Variants in CADPS2 observed in about 807,000 individuals in gnomAD.
The protein encoded by CADPS2 is calcium dependent secretion activator 2, also known as calcium-dependent secretion activator 2.
A neutral mutation model predicts 172.5 loss-of-function variants in CADPS2; 93 were observed. That is an observed-to-expected ratio of 0.54 (90% confidence interval 0.46 to 0.64). CADPS2 has a LOEUF of 0.64. Ranked by LOEUF, CADPS2 falls within the 30% of genes least tolerant of loss-of-function variation. The pLI is 0.00. For synonymous variants in CADPS2, 546 were observed against 555.2 expected, an observed-to-expected ratio of 0.98 and a Z score of 0.23; for missense variants, 1,420 against 1,565.9, an observed-to-expected ratio of 0.91 and a Z score of 1.57.
intron 20 of CADPS2, among the ~76,000 whole-genome samples, chr7:122,399,847 C>T (rs1446105850): frequency 6.6e-6 from 1 of 150,818 alleles, no homozygotes; most frequent in Non-Finnish European, 1.5e-5. Flanking sequence ...CCACTACGCC[C>T]GGCTAACTTT....
chr7:122,451,925 CAT>C (rs1165218511), intron 14 of CADPS2, among the ~76,000 whole-genome samples: 21 of 152,006 alleles, frequency 1.4e-4, no homozygotes, highest in Non-Finnish European at 2.4e-4. Flanking sequence ...TCATAAGAAA[CAT>C]AGAAATTTTT....
intron 14 of CADPS2, among the ~76,000 whole-genome samples, chr7:122,458,689 A>C (rs2054091843): frequency 6.6e-6 from 1 of 152,154 alleles, no homozygotes; most frequent in Non-Finnish European, 1.5e-5. Flanking sequence ...TAAAGATCTA[A>C]GATCATATTA....
At chr7:122,808,060 A>G (rs1022443982) in intron 1 of CADPS2, among the ~76,000 whole-genome samples, 1 of 152,206 alleles carries the variant, frequency 6.6e-6, no homozygotes, top group African/African-American at 2.4e-5. Flanking sequence ...ACTTGCCACA[A>G]TAACATTCTA....
chr7:122,773,986 T>C (rs959016495), intron 1 of CADPS2, among the ~76,000 whole-genome samples: 4 of 152,002 alleles, frequency 2.6e-5, no homozygotes, highest in African/African-American at 9.7e-5. Context: ...TTATATATTA[T>C]AGGTCAAAGT....
chr7:122,718,784 T>C (rs998938867), intron 2 of CADPS2, among the ~76,000 whole-genome samples: 1 of 152,046 alleles, frequency 6.6e-6, no homozygotes, highest in African/African-American at 2.4e-5. Context: ...AGTTGTGAGC[T>C]CAAGACTCTA....
At chr7:122,844,124 C>A (rs57496424) in intron 1 of CADPS2, among the ~76,000 whole-genome samples, 1 of 152,192 alleles carries the variant, frequency 6.6e-6, no homozygotes, top group Non-Finnish European at 1.5e-5. Flanking sequence ...GCTCCTCACA[C>A]GGCCCCACTA....
At chr7:122,560,340 A>G (rs1453499763) in intron 7 of CADPS2, among the ~76,000 whole-genome samples, 1 of 152,172 alleles carries the variant, frequency 6.6e-6, no homozygotes, top group Non-Finnish European at 1.5e-5. Flanking sequence ...ACTGTAAGAA[A>G]TGTGTTTTGC....
At chr7:122,638,434 T>C (rs1326808976) in intron 3 of CADPS2, among the ~76,000 whole-genome samples, 1 of 152,136 alleles carries the variant, frequency 6.6e-6, no homozygotes, top group East Asian at 1.9e-4. Context: ...AAGTGCTTCC[T>C]GGGGGAACAC....
At chr7:122,669,359 T>A (rs1438047332) in intron 2 of CADPS2, among the ~76,000 whole-genome samples, 9 of 148,694 alleles carry the variant, frequency 6.1e-5, no homozygotes, top group East Asian at 2.0e-4. Flanking sequence ...ATATATATTT[T>A]TTTTTTTTGA....
chr7:122,651,996 G>C (rs1356620397), intron 3 of CADPS2, among the ~76,000 whole-genome samples: 6 of 152,090 alleles, frequency 3.9e-5, no homozygotes, highest in Non-Finnish European at 8.8e-5. Context: ...AGTCAACGAT[G>C]TGAAGTTCCC....
intron 1 of CADPS2, among the ~76,000 whole-genome samples, chr7:122,790,028 GTTTT>G (rs747647291): frequency 1.6e-5 from 2 of 126,670 alleles, no homozygotes; most frequent in Admixed American, 8.0e-5. Context: ...AATATTAAGT[GTTTT>G]TTTTTTTTTT....
chr7:122,866,467 G>A (rs559890944), intron 1 of CADPS2, among the ~76,000 whole-genome samples: 4 of 152,236 alleles, frequency 2.6e-5, no homozygotes, highest in Admixed American at 2.6e-4. Flanking sequence ...TTGGGAGGTC[G>A]AGGTGGGTGG....
intron 22 of CADPS2, among the ~76,000 whole-genome samples, chr7:122,392,716 T>C (rs554316114): frequency 2.6e-5 from 4 of 152,276 alleles, no homozygotes; most frequent in Non-Finnish European, 5.9e-5. Flanking sequence ...GGGCCTGCAA[T>C]GATGCAGTAC....
intron 24 of CADPS2, 145 bp downstream of exon 24, chr7:122,386,881 A>T (rs571248161): frequency 1.3e-6 from 1 of 753,900 alleles, no homozygotes; most frequent in Non-Finnish European, 2.1e-6. Flanking sequence ...GATAAAGGGC[A>T]TTCTGTTATT....
At chr7:122,706,380 A>G (rs2087493225) in intron 2 of CADPS2, among the ~76,000 whole-genome samples, 1 of 110,336 alleles carries the variant, frequency 9.1e-6, no homozygotes, top group Non-Finnish European at 1.8e-5. Flanking sequence ...GAATATATAT[A>G]TATGCTTATA....
chr7:122,423,974 T>C (rs1028424248), intron 17 of CADPS2, among the ~76,000 whole-genome samples: 1 of 152,238 alleles, frequency 6.6e-6, no homozygotes, highest in Non-Finnish European at 1.5e-5. Flanking sequence ...TATACTTTTA[T>C]ATAAACCTCA....
chr7:122,738,402 CTTT>C (rs796440172), intron 1 of CADPS2, among the ~76,000 whole-genome samples: 1 of 143,310 alleles, frequency 7.0e-6, no homozygotes, highest in African/African-American at 2.5e-5. Flanking sequence ...AATGCAGAAG[CTTT>C]TTTTTTTTTT....
At chr7:122,821,544 G>C (rs1198162661) in intron 1 of CADPS2, among the ~76,000 whole-genome samples, 1 of 152,110 alleles carries the variant, frequency 6.6e-6, no homozygotes, top group Non-Finnish European at 1.5e-5. Context: ...ACTTTCACTG[G>C]ATAGGTAGAG....
At chr7:122,808,379 C>T (rs765019033) in intron 1 of CADPS2, among the ~76,000 whole-genome samples, 2 of 152,214 alleles carry the variant, frequency 1.3e-5, no homozygotes, top group Non-Finnish European at 2.9e-5. Context: ...AGCCCAGTTA[C>T]ATTCTCTGCC....
Sources: gnomAD v4.1 joint callset for allele counts (sites outside exome capture counted in the v4.1 genomes callset) on GRCh38, gnomAD v4.1.1 for gene constraint, MANE v1.5 for transcripts, NCBI Gene and HGNC (gene_info 2026-07-23, HGNC 2026-07-21) for gene names.